The following DCP1B variants were observed in gnomAD, a reference collection of about 807,000 sequenced individuals.
DCP1B encodes the protein decapping mRNA 1B.
In DCP1B, 47 loss-of-function variants were observed where a neutral mutation model predicts 60.5. That is an observed-to-expected ratio of 0.78 (90% CI 0.61 to 0.99). The LOEUF (loss-of-function observed/expected upper bound fraction) is 0.99. Among genes scored for constraint, DCP1B ranks in the 50% least tolerant of loss-of-function variants. The pLI is 0.00. For synonymous variants in DCP1B, 267 were observed against 280.3 expected (o/e 0.95, Z 0.47); for missense variants, 725 against 756.8 (o/e 0.96, Z 0.49).
At chr12:2,000,974 T>C (rs1024837556) in intron 1 of DCP1B, among the ~76,000 whole-genome samples, 1 of 151,642 alleles carries the variant, frequency 6.6e-6, no homozygotes, top group African/African-American at 2.4e-5. Flanking sequence ...GAGGCAGAGG[T>C]TGCAGTGAGC....
intron 7 of DCP1B, among the ~76,000 whole-genome samples, chr12:1,952,076 C>A (rs945404710): frequency 6.6e-6 from 1 of 152,348 alleles, no homozygotes; most frequent in South Asian, 2.1e-4. Flanking sequence ...CGGAGGTGCA[C>A]CCTGCTCCAA....
rs148269172 is a variant in DCP1B, at chr12:1,980,165, G to C, written c.320-12255C>G. On this transcript the variant is annotated intron_variant, in intron 3 of 8. Coordinates refer to ENST00000280665, the MANE Select transcript of DCP1B (RefSeq NM_152640.5). ...ATATCCACCTAAAAAACATGGACAG[G>C]AATGTTCATGGCAACTTTATTCAGA... is the stretch of plus-strand genomic sequence containing the variant. Among the ~76,000 whole-genome samples, 380 of 152,214 alleles carry C rather than the reference G, an allele frequency of 2.5e-3. 2 individuals are homozygous for C. Among genetic ancestry groups the C allele is most frequent in the African/African-American group, 7.9e-3 (330 of 41,528 alleles).
chr12:1,972,106 G>A (rs2032540011), intron 3 of DCP1B, among the ~76,000 whole-genome samples: 1 of 152,222 alleles, frequency 6.6e-6, no homozygotes, highest in South Asian at 2.1e-4. Context: ...TTAGCATTCA[G>A]CAAGGAAGGC....
intron 2 of DCP1B, among the ~76,000 whole-genome samples, chr12:1,995,162 T>G (rs763321763): frequency 1.1e-4 from 17 of 152,154 alleles, no homozygotes; most frequent in Non-Finnish European, 1.9e-4. Flanking sequence ...AAACTTATAT[T>G]TGGTCTGGAT....
At chr12:1,950,435 G>C in intron 7 of DCP1B, 1 of 701,834 alleles carries the variant, frequency 1.4e-6, no homozygotes. Context: ...TTCATCGCAT[G>C]CTTCTAATTC....
At chr12:1,995,530 A>G (rs2040588448) in intron 2 of DCP1B, among the ~76,000 whole-genome samples, 1 of 152,224 alleles carries the variant, frequency 6.6e-6, no homozygotes, top group Non-Finnish European at 1.5e-5. Flanking sequence ...ACTGTGAAGA[A>G]CCTGACCTCC....
intron 3 of DCP1B, among the ~76,000 whole-genome samples, chr12:1,981,905 G>T (rs2036250533): frequency 6.6e-6 from 1 of 152,180 alleles, no homozygotes; most frequent in South Asian, 2.1e-4. Flanking sequence ...AGGTAAGAGT[G>T]TTCTGGGAAA....
chr12:1,966,334 G>C (rs573388560), intron 4 of DCP1B, among the ~76,000 whole-genome samples: 2 of 152,278 alleles, frequency 1.3e-5, no homozygotes, highest in African/African-American at 4.8e-5. Context: ...AAACCACTTA[G>C]AGCAACGAGG....
chr12:1,953,323 A>C (rs1355216432), intron 6 of DCP1B, 35 bp from the exon 7 acceptor site: 1 of 1,524,230 alleles, frequency 6.6e-7, no homozygotes, highest in African/African-American at 1.4e-5. Flanking sequence ...ATGAGTCTAC[A>C]AACAATTTGG....
At chr12:1,997,082 G>A (rs1303820645) in intron 2 of DCP1B, among the ~76,000 whole-genome samples, 3 of 150,368 alleles carry the variant, frequency 2.0e-5, no homozygotes, top group African/African-American at 4.9e-5. Flanking sequence ...ATATGCACTC[G>A]TAATTTGATA....
chr12:1,952,803 T>G lies in DCP1B; in HGVS notation c.1137A>C (p.Ser379=), dbSNP rs774724071. The change falls in exon 7 of 9, where the codon TCA becomes TCC. Residue 379 remains serine, a synonymous_variant. Transcript: ENST00000280665. ...GAGCTCTGCTGCGGTTCAGGGCAGC[T>G]GAGCTGGCAGGTGCTGGTGTACTAG... ...CDPSTPAPAS[S]AALNRSRAPT... The G allele has an allele frequency of 2.2e-5, 35 of 1,614,030 alleles. No homozygotes were observed. The highest frequency in any genetic ancestry group is 5.5e-5 in the South Asian group (5 of 91,086).
intron 1 of DCP1B, 53 bp downstream of exon 1, chr12:2,004,229 C>T: frequency 6.2e-7 from 1 of 1,604,002 alleles, no homozygotes; most frequent in Non-Finnish European, 8.5e-7. Context: ...GTCTGACGCC[C>T]CCCGCCTCCA....
chr12:1,989,589 C>A (rs2038818847), intron 3 of DCP1B, among the ~76,000 whole-genome samples: 1 of 152,110 alleles, frequency 6.6e-6, no homozygotes, highest in African/African-American at 2.4e-5. Flanking sequence ...TGCCATACAC[C>A]TATAATCCCA....
chr12:1,993,453 C>T (rs541427166), intron 2 of DCP1B, 62 bp from the exon 3 acceptor site: 2 of 1,571,830 alleles, frequency 1.3e-6, no homozygotes, highest in African/African-American at 1.4e-5. Flanking sequence ...GCTATATTTT[C>T]AGTATAAGTA....
chr12:1,979,664 T>C (rs1592984584), intron 3 of DCP1B, among the ~76,000 whole-genome samples: 1 of 152,372 alleles, frequency 6.6e-6, no homozygotes, highest in East Asian at 1.9e-4. Context: ...CATACGCTAG[T>C]TATATGTTTA....
intron 7 of DCP1B, among the ~76,000 whole-genome samples, chr12:1,951,284 A>G (rs1483109708): frequency 3.9e-5 from 6 of 152,220 alleles, no homozygotes; most frequent in Non-Finnish European, 7.3e-5. Context: ...TCAAAAAACA[A>G]AAAAAGGTAC....
chr12:1,995,780 C>T (rs2040648619), intron 2 of DCP1B, among the ~76,000 whole-genome samples: 1 of 152,224 alleles, frequency 6.6e-6, no homozygotes, highest in Admixed American at 6.5e-5. Flanking sequence ...CATAAACCCT[C>T]ATCGGTTCCT....
intron 5 of DCP1B, among the ~76,000 whole-genome samples, chr12:1,960,061 G>T (rs1482089300): frequency 6.6e-6 from 1 of 152,032 alleles, no homozygotes; most frequent in Non-Finnish European, 1.5e-5. Context: ...CAGGGAAAAT[G>T]AAATCAGTAT....
At chr12:1,959,959 CA>C (rs34121456) in intron 5 of DCP1B, among the ~76,000 whole-genome samples, 70,223 of 125,618 alleles carry the variant, frequency 0.56, 17,089 homozygotes, top group East Asian at 0.72. Context: ...GACTCCGTCT[CA>C]AAAAAAAAAA....
Sources: gnomAD v4.1 joint callset for allele counts (sites outside exome capture counted in the v4.1 genomes callset) on GRCh38, gnomAD v4.1.1 for gene constraint, MANE v1.5 for transcripts, NCBI Gene and HGNC (gene_info 2026-07-23, HGNC 2026-07-21) for gene names.